DHX57: variants seen among roughly 807,000 people sequenced by gnomAD.
DHX57 encodes the protein putative ATP-dependent RNA helicase DHX57.
Under a neutral mutation model 156.2 loss-of-function variants are expected in DHX57, and 105 were observed. That is an observed-to-expected ratio of 0.67 (90% CI 0.57 to 0.79). The LOEUF (loss-of-function observed/expected upper bound fraction) is 0.79, where lower values mean the gene tolerates loss of function less well. DHX57 is among the 30% of genes least tolerant of loss of function. DHX57 has a pLI of 0.00. For missense variants in DHX57, 1,847 were observed against 1,661.9 expected (o/e 1.11, Z -1.94); for synonymous variants, 704 against 595.6 (o/e 1.18, Z -2.65).
intron 21 of DHX57, among the ~76,000 whole-genome samples, chr2:38,807,142 C>T (rs1270032145): frequency 6.6e-6 from 1 of 151,956 alleles, no homozygotes; most frequent in Admixed American, 6.6e-5. Flanking sequence ...GCAACCTCCG[C>T]CTCCCAGGTT....
At chr2:38,816,045 A>G (rs1026358011) in intron 19 of DHX57, 1 of 461,054 alleles carries the variant, frequency 2.2e-6, no homozygotes, top group Non-Finnish European at 4.4e-6. Context: ...ACTGTCTACT[A>G]CCTAGCTTTT....
chr2:38,811,114 G>T, intron 21 of DHX57: 1 of 551,528 alleles, frequency 1.8e-6, no homozygotes, highest in Non-Finnish European at 3.4e-6. Context: ...CGTGGCTGAT[G>T]TGCATGAGGT....
intron 21 of DHX57, among the ~76,000 whole-genome samples, chr2:38,810,200 C>CTTTTTT (rs546365495): frequency 7.3e-6 from 1 of 136,300 alleles, no homozygotes. Flanking sequence ...TGGCCTTAGT[C>CTTTTTT]TTTTTTTTTT....
intron 19 of DHX57, among the ~76,000 whole-genome samples, chr2:38,816,739 A>G (rs1381561460): frequency 6.6e-6 from 1 of 152,196 alleles, no homozygotes; most frequent in Non-Finnish European, 1.5e-5. Context: ...ATGGATAACT[A>G]GAATATAATT....
At chr2:38,858,339 G>T (rs1369371175) in intron 6 of DHX57, among the ~76,000 whole-genome samples, 1 of 152,190 alleles carries the variant, frequency 6.6e-6, no homozygotes, top group Middle Eastern at 3.2e-3. Context: ...TGGGATTACA[G>T]GTGTGAGCCA....
intron 1 of DHX57, among the ~76,000 whole-genome samples, chr2:38,869,636 T>C (rs2124950142): frequency 6.6e-6 from 1 of 152,264 alleles, no homozygotes; most frequent in African/African-American, 2.4e-5. Flanking sequence ...CTTAAAATCG[T>C]AGGAGGGAAA....
intron 19 of DHX57, among the ~76,000 whole-genome samples, chr2:38,817,357 C>T (rs997855464): frequency 3.3e-5 from 5 of 152,228 alleles, no homozygotes; most frequent in Non-Finnish European, 5.9e-5. Context: ...CTCTGTTGCC[C>T]AGGCTGGAGT....
chr2:38,855,890 A>G (rs1389313987), intron 7 of DHX57, among the ~76,000 whole-genome samples: 2 of 152,176 alleles, frequency 1.3e-5, no homozygotes, highest in African/African-American at 4.8e-5. Flanking sequence ...TGAGGCCAGG[A>G]GTTCGAGACC....
rs145183022 is a variant in DHX57, at chr2:38,816,185, C to A, written c.3472-530G>T. 1.4e-3 allele frequency: 639 copies of A among 470,862 alleles called. 2 individuals are homozygous for A. The highest frequency in any genetic ancestry group is 0.012 in the African/African-American group (590 of 50,100). 29.2% of individuals were successfully genotyped at this position (470,862 alleles called of 1,614,324 possible). ...ATGGTCTTGCTGGCTCATCTCTTTTCCTAGGAATAGGGACATCATTAAGTG... is the reference window on the plus strand; with the variant it reads ...ATGGTCTTGCTGGCTCATCTCTTTTACTAGGAATAGGGACATCATTAAGTG... On this transcript the variant is annotated intron_variant, in intron 19 of 23. Coordinates refer to ENST00000457308, the MANE Select transcript of DHX57 (RefSeq NM_198963.3).
At chr2:38,860,262 C>G (rs1673125173) in intron 5 of DHX57, among the ~76,000 whole-genome samples, 1 of 152,132 alleles carries the variant, frequency 6.6e-6, no homozygotes, top group Admixed American at 6.5e-5. Flanking sequence ...CCAGCCTGGC[C>G]AACATGGTGA....
chr2:38,832,640 G>A (rs1671443972), intron 13 of DHX57, among the ~76,000 whole-genome samples: 1 of 151,164 alleles, frequency 6.6e-6, no homozygotes, highest in Admixed American at 6.6e-5. Context: ...CCACATCCTG[G>A]GTTCAAGCAA....
chr2:38,834,052 G>A (rs565560497), intron 13 of DHX57, among the ~76,000 whole-genome samples: 82 of 152,186 alleles, frequency 5.4e-4, no homozygotes, highest in African/African-American at 1.7e-3. Flanking sequence ...AAATCAGGCC[G>A]GGCATGGTGG....
intron 21 of DHX57, among the ~76,000 whole-genome samples, chr2:38,813,094 A>C (rs1670354011): frequency 6.9e-6 from 1 of 145,874 alleles, no homozygotes; most frequent in Non-Finnish European, 1.5e-5. Flanking sequence ...GATCTGCCCA[A>C]CTCGGCTTCC....
chr2:38,854,556 GT>G lies in DHX57; in HGVS notation c.1906-379del, dbSNP rs1180060112. 268 of 132,614 alleles carry G rather than the reference GT, an allele frequency of 2.0e-3. 1 individual carries two copies. Among genetic ancestry groups the G allele is most frequent in the South Asian group, 4.6e-3 (21 of 4,538 alleles). 8.2% of individuals were successfully genotyped at this position (132,614 alleles called of 1,614,324 possible). A position where few individuals can be genotyped will look rare whatever the true frequency, so the allele number is the denominator to read the frequency against. Reference sequence around the variant, plus strand: ...GGAAATTTAGTACAACCAAATAAGAGTTTTTTTTTTTTTTTTTTTTTTGAGA... The same window carrying G: ...GGAAATTTAGTACAACCAAATAAGAGTTTTTTTTTTTTTTTTTTTTTGAGA... On this transcript the variant is annotated intron_variant, in intron 8 of 23. Coordinates refer to ENST00000457308, the MANE Select transcript of DHX57 (RefSeq NM_198963.3).
At chr2:38,865,597 G>A (rs368870770) in intron 2 of DHX57, among the ~76,000 whole-genome samples, 1 of 152,168 alleles carries the variant, frequency 6.6e-6, no homozygotes, top group African/African-American at 2.4e-5. Flanking sequence ...ACAATGTGTA[G>A]TGATCAAATC....
chr2:38,842,948 G>T, intron 12 of DHX57, 57 bp downstream of exon 12: 2 of 1,560,440 alleles, frequency 1.3e-6, no homozygotes, highest in Non-Finnish European at 1.8e-6. Flanking sequence ...ATCTTGGTAA[G>T]AAAGAATACT....
intron 1 of DHX57, among the ~76,000 whole-genome samples, chr2:38,868,896 GGTTCAA>G (rs1377534781): frequency 6.6e-6 from 1 of 152,064 alleles, no homozygotes. Context: ...CTGCCTCCTG[GGTTCAA>G]GCAATTCTCC....
intron 14 of DHX57, 23 bp from the exon 15 acceptor site, chr2:38,826,712 G>C (rs749135811): frequency 5.0e-6 from 8 of 1,611,568 alleles, no homozygotes; most frequent in Non-Finnish European, 6.8e-6. Context: ...AAAAGCACAT[G>C]AAGTATTCTA....
At chr2:38,838,059 A>C (rs1671776202) in intron 12 of DHX57, 112 bp from the exon 13 acceptor site, 1 of 705,466 alleles carries the variant, frequency 1.4e-6, no homozygotes, top group East Asian at 2.6e-5. Context: ...TGTTGGTTTA[A>C]TAGCACAGAT....
Sources: gnomAD v4.1 joint callset for allele counts (sites outside exome capture counted in the v4.1 genomes callset) on GRCh38, gnomAD v4.1.1 for gene constraint, MANE v1.5 for transcripts, NCBI Gene and HGNC (gene_info 2026-07-23, HGNC 2026-07-21) for gene names.